Variants in KMT2E observed in about 807,000 individuals in gnomAD.
KMT2E encodes histone reader KMT2E.
In KMT2E, 30 loss-of-function variants were observed where a neutral mutation model predicts 184.6. That is an observed-to-expected ratio of 0.16 (90% CI 0.12 to 0.22). The LOEUF is 0.22. KMT2E is among the 10% of genes least tolerant of loss of function. KMT2E has a pLI of 1.00. For synonymous variants in KMT2E, 815 were observed against 776.5 expected (o/e 1.05, Z -0.82); for missense variants, 2,023 against 2,237.4 (o/e 0.90, Z 1.93).
intron 1 of KMT2E, among the ~76,000 whole-genome samples, chr7:105,024,265 T>A (rs1795080232): frequency 6.6e-6 from 1 of 152,208 alleles, no homozygotes; most frequent in Admixed American, 6.5e-5. Context: ...AAAAAATAAT[T>A]TGAATTGACT....
In KMT2E at chr7:105,062,144, A is replaced by T; in HGVS notation, c.72-20A>T. On this transcript the variant is annotated intron_variant, in intron 3 of 26. Coordinates refer to ENST00000311117, the MANE Select transcript of KMT2E (RefSeq NM_182931.3). ...AAAAAAAAGAATGGAATTCTCTTTG[A>T]TGCAACTTTTTCCCCCCAGACCAGA... The T allele has an allele frequency of 6.8e-7, 1 of 1,460,712 alleles. No individual in the cohort carries two copies. The highest frequency in any genetic ancestry group is 9.6e-7 in the Non-Finnish European group (1 of 1,045,488). The allele number at this position is 1,460,712 out of a possible 1,614,324, so 90.5% of individuals were successfully genotyped here. A position where few individuals can be genotyped will look rare whatever the true frequency, so the allele number is the denominator to read the frequency against.
At chr7:105,059,773 G>C (rs865839995) in intron 3 of KMT2E, among the ~76,000 whole-genome samples, 17 of 151,568 alleles carry the variant, frequency 1.1e-4, no homozygotes, top group Middle Eastern at 3.4e-3. Flanking sequence ...GAAAAGTTTA[G>C]AGAAAGATAC....
rs1432601910 is a variant in KMT2E at position 105,041,119 on chromosome 7, C to T, written c.71+96C>T. Reference sequence around the variant, plus strand: ...AGTATAAGTGGAAAATATTAAATTTCTTCTTTCCTAGCCATTTTTTAAAGT... The same window carrying T: ...AGTATAAGTGGAAAATATTAAATTTTTTCTTTCCTAGCCATTTTTTAAAGT... On this transcript the variant is annotated intron_variant, in intron 3 of 26. Coordinates refer to ENST00000311117, the MANE Select transcript of KMT2E (RefSeq NM_182931.3). 9 of 648,932 alleles carry T rather than the reference C, an allele frequency of 1.4e-5. No homozygotes were observed. In the South Asian group the frequency reaches 1.6e-4, roughly 12 times the overall value. The allele number at this position is 648,932 out of a possible 1,614,324, so 40.2% of individuals were successfully genotyped here.
At chr7:105,059,188 C>T (rs1584740782) in intron 3 of KMT2E, among the ~76,000 whole-genome samples, 1 of 152,172 alleles carries the variant, frequency 6.6e-6, no homozygotes, top group African/African-American at 2.4e-5. Flanking sequence ...GCTAGTTTTG[C>T]TGTTGGACCT....
chr7:105,024,192 CAT>C (rs1165001385), intron 1 of KMT2E, among the ~76,000 whole-genome samples: 5 of 152,276 alleles, frequency 3.3e-5, no homozygotes, highest in Middle Eastern at 3.4e-3. Flanking sequence ...TTAAGATAAT[CAT>C]ATTTCACAAC....
chr7:105,100,052 C>G lies in KMT2E; in HGVS notation c.1723-1373C>G, dbSNP rs1199302622. ...AGTGCCAGTGAACAAGTAGAACCAT[C>G]TTTTGCATGTGCTATTGTAGTGTTT... On this transcript the variant is annotated intron_variant, in intron 15 of 26. Coordinates refer to ENST00000311117, the MANE Select transcript of KMT2E (RefSeq NM_182931.3). Among the ~76,000 whole-genome samples, 4 of 152,274 alleles carry G rather than the reference C, an allele frequency of 2.6e-5. No homozygotes were observed. The East Asian group carries it at 7.7e-4, about 29-fold the overall frequency.
At chr7:105,108,867 C>CA (rs1799038059) in intron 22 of KMT2E, 75 bp from the exon 23 acceptor site, 1 of 1,245,262 alleles carries the variant, frequency 8.0e-7, no homozygotes. Flanking sequence ...TCTCTTTAGA[C>CA]AAAAAAGAAT....
In KMT2E at chr7:105,112,447, C is replaced by G. The variant is rs1584818743; in HGVS notation, c.4691C>G (p.Ala1564Gly). The G allele has an allele frequency of 6.2e-7, 1 of 1,613,728 alleles. No individual in the cohort carries two copies. Residue 1564 changes from alanine (A) to glycine (G), a missense_variant, in exon 27 of 27, where the codon GCA (alanine) becomes GGA (glycine). Coordinates refer to ENST00000311117, the MANE Select transcript of KMT2E (RefSeq NM_182931.3). ...SSYYQNQQPS[A>G]NFQNYNQLKG... ...TACTATCAAAACCAGCAGCCCTCTG[C>G]AAACTTTCAGAATTATAATCAGCTC... is the stretch of plus-strand genomic sequence containing the variant.
chr7:105,101,939 A>G lies in KMT2E; in HGVS notation c.1941A>G (p.Arg647=). 6.2e-7 allele frequency: 1 copy of G among 1,613,848 alleles called. No individual in the cohort carries two copies. The highest frequency in any genetic ancestry group is 1.1e-5 in the South Asian group (1 of 91,020). ...ASKPTPAKVN[R]TKQRKSFSRS... is the part of the protein sequence containing the mutation. ...AGCCAACCCCTGCCAAAGTAAATAG[A>G]ACTAAACAGAGAAAAAGTTTTTCTC... The change falls in exon 17 of 27, where the codon AGA becomes AGG. Residue 647 remains arginine (R), a synonymous_variant. Coordinates refer to ENST00000311117, the MANE Select transcript of KMT2E (RefSeq NM_182931.3).
chr7:105,028,416 C>T (rs547692965), intron 1 of KMT2E, among the ~76,000 whole-genome samples: 3 of 152,334 alleles, frequency 2.0e-5, no homozygotes, highest in South Asian at 4.1e-4. Flanking sequence ...ATCCGCCTGC[C>T]TCAGCCTCCC....
chr7:105,037,061 A>G (rs181218802), intron 1 of KMT2E, among the ~76,000 whole-genome samples: 225 of 152,314 alleles, frequency 1.5e-3, no homozygotes, highest in African/African-American at 5.1e-3. Flanking sequence ...TCTCAGTTAC[A>G]TGTCTCCTCA....
rs1462701411 is a variant in KMT2E at position 105,046,824 on chromosome 7, T to G, written c.71+5801T>G. Among the ~76,000 whole-genome samples the G allele has an allele frequency of 3.3e-5, 5 of 152,234 alleles. No homozygotes were observed. In the East Asian group the frequency reaches 7.7e-4, roughly 23 times the overall value. The stretch of plus-strand genomic sequence containing the variant: ...AATATATTCTGAGAAGTTAGGACTA[T>G]GTACAATACAGTTTAACAAAATTGC... On this transcript the variant is annotated intron_variant, in intron 3 of 26. Transcript: ENST00000311117.
At chr7:105,021,292 C>T (rs929102217) in intron 1 of KMT2E, among the ~76,000 whole-genome samples, 3 of 152,332 alleles carry the variant, frequency 2.0e-5, no homozygotes, top group Non-Finnish European at 4.4e-5. Context: ...CTTATTACAT[C>T]TTACATCATT....
chr7:105,075,681 CT>C (rs66733218), intron 8 of KMT2E, among the ~76,000 whole-genome samples: 175 of 144,234 alleles, frequency 1.2e-3, no homozygotes, highest in Admixed American at 1.4e-3. Flanking sequence ...AGTCTATATA[CT>C]TTTTTTTTTT....
intron 5 of KMT2E, among the ~76,000 whole-genome samples, chr7:105,066,094 G>A (rs974089204): frequency 1.3e-5 from 2 of 151,846 alleles, no homozygotes; most frequent in East Asian, 1.9e-4. Flanking sequence ...TCTTTAGTTG[G>A]TCTTTCTGCT....
chr7:105,060,064 C>T (rs1212113996), intron 3 of KMT2E, among the ~76,000 whole-genome samples: 3 of 131,386 alleles, frequency 2.3e-5, no homozygotes, highest in African/African-American at 5.6e-5. Context: ...AGCGCAGTCT[C>T]GGCTCACTGC....
intron 6 of KMT2E, 128 bp downstream of exon 6, chr7:105,066,935 T>C (rs1012744377): frequency 1.5e-6 from 1 of 649,966 alleles, no homozygotes; most frequent in Non-Finnish European, 2.7e-6. Context: ...CTCATGCCTG[T>C]AGTGCCAACT....
chr7:105,077,901 C>T (rs536516370), intron 11 of KMT2E: 65 of 155,670 alleles, frequency 4.2e-4, no homozygotes, highest in Middle Eastern at 6.8e-3. Context: ...ATTATTGCCA[C>T]CACTTTCAAC....
chr7:105,093,997 C>CCATAGG (rs1798310454), intron 15 of KMT2E, among the ~76,000 whole-genome samples: 1 of 152,002 alleles, frequency 6.6e-6, no homozygotes, highest in East Asian at 1.9e-4. Context: ...GGCTGCTGAC[C>CCATAGG]CATAGCTCTC....
Sources: allele counts gnomAD v4.1 joint callset (sites outside exome capture counted in the v4.1 genomes callset), GRCh38; gene constraint gnomAD v4.1.1; transcripts MANE v1.5; gene names NCBI Gene and HGNC (gene_info 2026-07-23, HGNC 2026-07-21).